PASD1: variants seen among roughly 807,000 people sequenced by gnomAD.
PASD1 encodes circadian clock protein PASD1.
In PASD1, 13 loss-of-function variants were observed where a neutral mutation model predicts 58.8. The ratio of observed to expected loss-of-function variants is 0.22; its 90% CI spans 0.14 to 0.35. The LOEUF is 0.35. PASD1 is among the 10% of genes least tolerant of loss of function. The pLI is 1.00. For missense variants in PASD1, 734 were observed against 568.3 expected (o/e 1.29, Z -2.96); for synonymous variants, 236 against 216.7 (o/e 1.09, Z -0.78).
At chrX:151,661,161 A>C (rs1308794401) in intron 10 of PASD1, among the ~76,000 whole-genome samples, 2 of 111,785 alleles carry the variant, frequency 1.8e-5, no homozygotes, top group African/African-American at 3.3e-5. Flanking sequence ...TCTCAAAAAA[A>C]AAAAAGAAAA....
At chrX:151,674,530 G>A (rs1216010999) in intron 15 of PASD1, among the ~76,000 whole-genome samples, 2 of 112,700 alleles carry the variant, frequency 1.8e-5, no homozygotes, top group Non-Finnish European at 3.7e-5. Context: ...TGGATCTTTA[G>A]TTCTGCTACA....
At chrX:151,645,193 C>T (rs970608978) in intron 8 of PASD1, among the ~76,000 whole-genome samples, 6 of 111,419 alleles carry the variant, frequency 5.4e-5, no homozygotes, top group African/African-American at 1.6e-4. Flanking sequence ...TAACCTGCAA[C>T]CAAGAAGGGA....
At chrX:151,574,972 T>C (rs1042468972) in intron 1 of PASD1, among the ~76,000 whole-genome samples, 8 of 111,621 alleles carry the variant, frequency 7.2e-5, no homozygotes, top group Non-Finnish European at 1.3e-4. Context: ...TTTGTATCTA[T>C]AAACCAAGGT....
At chrX:151,675,845 C>T in intron 15 of PASD1, 152 bp from the exon 16 acceptor site, 1 of 587,499 alleles carries the variant, frequency 1.7e-6, no homozygotes, top group Non-Finnish European at 2.8e-6. Flanking sequence ...TCTTCTGTAG[C>T]TCCTCCGTCT....
chrX:151,623,225 A>G (rs770246384), intron 7 of PASD1, among the ~76,000 whole-genome samples, 161 bp downstream of exon 7: 11 of 112,329 alleles, frequency 9.8e-5, no homozygotes, highest in Admixed American at 6.6e-4. Flanking sequence ...ATCAGCTCCT[A>G]TGTTTCAGAA....
At chrX:151,627,718 C>G (rs1226034087) in intron 8 of PASD1, among the ~76,000 whole-genome samples, 1 of 111,378 alleles carries the variant, frequency 9.0e-6, no homozygotes, top group Non-Finnish European at 1.9e-5. Flanking sequence ...GGGTATATAC[C>G]CAGTAATGGG....
intron 1 of PASD1, among the ~76,000 whole-genome samples, chrX:151,586,132 A>C (rs951236528): frequency 9.0e-6 from 1 of 111,473 alleles, no homozygotes; most frequent in African/African-American, 3.3e-5. Flanking sequence ...GTAGCTAGAG[A>C]GCTTTCCTGG....
At chrX:151,564,815 G>C (rs2012808690) in intron 1 of PASD1, among the ~76,000 whole-genome samples, 1 of 110,960 alleles carries the variant, frequency 9.0e-6, no homozygotes, top group South Asian at 3.9e-4. Context: ...AGGTTGCAGT[G>C]AGTCATGAAT....
chrX:151,624,597 A>T (rs62609273), intron 7 of PASD1, among the ~76,000 whole-genome samples: 6,039 of 111,177 alleles, frequency 0.054, 151 homozygotes, highest in Middle Eastern at 0.083. Context: ...AGTTTCTCCT[A>T]TATGGTAAGC....
intron 2 of PASD1, among the ~76,000 whole-genome samples, chrX:151,604,303 C>T (rs916864136): frequency 9.0e-6 from 1 of 111,661 alleles, no homozygotes; most frequent in African/African-American, 3.3e-5. Flanking sequence ...CTGCTTAGAA[C>T]CCCTTGACTT....
chrX:151,598,068 T>C (rs1169514209), intron 1 of PASD1, among the ~76,000 whole-genome samples: 1 of 112,379 alleles, frequency 8.9e-6, no homozygotes, highest in Non-Finnish European at 1.9e-5. Context: ...TTACTAGTTT[T>C]TGTTTGCTTT....
chrX:151,624,551 G>C (rs988377532), intron 7 of PASD1, among the ~76,000 whole-genome samples: 13 of 111,583 alleles, frequency 1.2e-4, no homozygotes, highest in African/African-American at 4.2e-4. Context: ...GGCAGTCATA[G>C]TACCTTCTAT....
At chrX:151,653,256 C>T (rs1474549404) in intron 9 of PASD1, among the ~76,000 whole-genome samples, 3 of 107,314 alleles carry the variant, frequency 2.8e-5, no homozygotes, top group Non-Finnish European at 5.8e-5. Flanking sequence ...GCAGTGGTGC[C>T]GTCTCGGCTC....
At chrX:151,671,425 C>G in intron 12 of PASD1, 148 bp from the exon 13 acceptor site, 5 of 808,174 alleles carry the variant, frequency 6.2e-6, no homozygotes, top group Non-Finnish European at 8.9e-6. Context: ...CCCAGCCAGG[C>G]CTTGGCAATG....
chrX:151,605,607 T>A (rs1274544159), intron 3 of PASD1, among the ~76,000 whole-genome samples: 1 of 111,074 alleles, frequency 9.0e-6, no homozygotes, highest in Non-Finnish European at 1.9e-5. Context: ...AGACTCTCAC[T>A]TTTTTTTGTG....
chrX:151,653,958 TTCCTTTCTTCTTTCC>T (rs911695491), intron 9 of PASD1, among the ~76,000 whole-genome samples: 1 of 89,883 alleles, frequency 1.1e-5, no homozygotes, highest in African/African-American at 4.1e-5. Flanking sequence ...CTTTCTCTCT[TTCCTTTCTTCTTTCC>T]TCCTTTCTTC....
At chrX:151,608,773 A>T (rs58585770) in intron 3 of PASD1, among the ~76,000 whole-genome samples, 37,556 of 110,639 alleles carry the variant, frequency 0.34, 4,807 homozygotes, top group Non-Finnish European at 0.39. Context: ...GTGATTGGTT[A>T]TATTTTTTAC....
At chrX:151,587,063 T>C (rs1436608792) in intron 1 of PASD1, among the ~76,000 whole-genome samples, 1 of 111,912 alleles carries the variant, frequency 8.9e-6, no homozygotes, top group Non-Finnish European at 1.9e-5. Flanking sequence ...AAACTTGAAA[T>C]ATTCTGCCGG....
intron 1 of PASD1, among the ~76,000 whole-genome samples, chrX:151,570,031 T>A (rs970306465): frequency 1.8e-5 from 2 of 111,608 alleles, no homozygotes; most frequent in African/African-American, 6.5e-5. Context: ...ATAGCCCTTT[T>A]TAAAAAATTA....
Sources: gnomAD v4.1 joint callset for allele counts (sites outside exome capture counted in the v4.1 genomes callset) on GRCh38, gnomAD v4.1.1 for gene constraint, MANE v1.5 for transcripts, NCBI Gene and HGNC (gene_info 2026-07-23, HGNC 2026-07-21) for gene names.